NLRP1: variants seen among roughly 807,000 people sequenced by gnomAD.
NLRP1 encodes the protein NACHT, LRR and PYD domains-containing protein 1.
In NLRP1, 94 loss-of-function variants were observed where a neutral mutation model predicts 136.7. That is an observed-to-expected ratio of 0.69 (90% CI 0.58 to 0.82). The LOEUF is 0.82. Ranked by LOEUF, NLRP1 falls within the 40% of genes least tolerant of loss-of-function variation. The pLI is 0.00. For missense variants in NLRP1, 1,575 were observed against 1,802.7 expected, an observed-to-expected ratio of 0.87 and a Z score of 2.29; for synonymous variants, 690 against 725.1, an observed-to-expected ratio of 0.95 and a Z score of 0.78.
At chr17:5,547,957 C>T (rs1912886759) in intron 5 of NLRP1, among the ~76,000 whole-genome samples, 1 of 152,172 alleles carries the variant, frequency 6.6e-6, no homozygotes, top group African/African-American at 2.4e-5. Flanking sequence ...CATGATCCTT[C>T]ATTGGCAGTA....
At chr17:5,540,469 A>G (rs541128416) in intron 6 of NLRP1, among the ~76,000 whole-genome samples, 1 of 152,222 alleles carries the variant, frequency 6.6e-6, no homozygotes, top group East Asian at 1.9e-4. Context: ...GGGTCTGCTC[A>G]GACCCAGCTG....
chr17:5,510,484 C>G (rs961451308), downstream of NLRP1, among the ~76,000 whole-genome samples: 2 of 151,970 alleles, frequency 1.3e-5, no homozygotes, highest in African/African-American at 2.4e-5. Context: ...CTCAGCCTCC[C>G]GAGTAGCTGG....
At chr17:5,553,153 A>C (rs1360711879) in intron 5 of NLRP1, among the ~76,000 whole-genome samples, 1 of 152,012 alleles carries the variant, frequency 6.6e-6, no homozygotes, top group Non-Finnish European at 1.5e-5. Context: ...TGCTTTGCTT[A>C]GTTAAATCCT....
intron 3 of NLRP1, among the ~76,000 whole-genome samples, chr17:5,573,618 C>G (rs1003248883): frequency 6.6e-6 from 1 of 152,218 alleles, no homozygotes; most frequent in South Asian, 2.1e-4. Flanking sequence ...TGAGACGAAG[C>G]TTCCAGAGGA....
intron 3 of NLRP1, among the ~76,000 whole-genome samples, chr17:5,578,320 G>A (rs1174548883): frequency 6.6e-6 from 1 of 152,124 alleles, no homozygotes; most frequent in Non-Finnish European, 1.5e-5. Context: ...AGAGTGAACA[G>A]GCAACCTACA....
chr17:5,539,454 TCA>T lies in NLRP1; in HGVS notation c.2829_2830del (p.Cys943Ter). The T allele has an allele frequency of 6.2e-7, 1 of 1,613,978 alleles. No individual in the cohort carries two copies. Among genetic ancestry groups the T allele is most frequent in the Non-Finnish European group, 8.5e-7 (1 of 1,179,970 alleles). On this transcript the variant is annotated stop_gained and frameshift_variant, in exon 7 of 17. Transcript: ENST00000572272. LOFTEE classifies it high-confidence loss of function. ...TTTGCAGGCAGGATGCCTGAGCCCC[TCA>T]CAGAGCAGTCGCACGCCAACGTCAT...
chr17:5,511,072 G>A (rs907086283), downstream of NLRP1, among the ~76,000 whole-genome samples: 1 of 152,068 alleles, frequency 6.6e-6, no homozygotes, highest in Non-Finnish European at 1.5e-5. Context: ...CTAATGGGTG[G>A]TAGAGCCAAG....
At chr17:5,511,778 T>C (rs544233055), downstream of NLRP1, among the ~76,000 whole-genome samples, 112 of 149,700 alleles carry the variant, frequency 7.5e-4, no homozygotes, top group African/African-American at 2.5e-3. Context: ...TTTCTCTTTC[T>C]TCTTTCTTTC....
intron 5 of NLRP1, among the ~76,000 whole-genome samples, chr17:5,545,413 CAT>C (rs1361455821): frequency 2.7e-5 from 4 of 150,272 alleles, no homozygotes; most frequent in Admixed American, 6.6e-5. Context: ...TACACACACA[CAT>C]ACACAGACAT....
intron 12 of NLRP1, among the ~76,000 whole-genome samples, chr17:5,529,689 A>G (rs976868000): frequency 2.0e-5 from 3 of 150,412 alleles, no homozygotes; most frequent in African/African-American, 7.3e-5. Context: ...TTTTTTAGTC[A>G]ATTTAGTTTC....
rs758894169 is a variant in NLRP1 at position 5,530,554 on chromosome 17, C to A, written c.3447G>T (p.Gly1149=). The change falls in exon 12 of 17, where the codon GGG becomes GGT. Residue 1149 remains glycine (G), a synonymous_variant. Transcript: ENST00000572272. ...INPQHSWMVA[G]PLLDIKAEPG... is the part of the protein sequence containing the mutation. ...GCTCAGCCTTGATGTCCAGCAGAGG[C>A]CCTGCCACCATCCAGCTGTGCTGTG... The A allele has an allele frequency of 8.1e-6, 13 of 1,614,100 alleles. No homozygotes were observed. The South Asian group carries it at 1.2e-4, about 15-fold the overall frequency.
Position 5,514,461 on chromosome 17 carries a change from A to G in NLRP1, c.*293T>C. 3 of 1,256,970 alleles carry G rather than the reference A, an allele frequency of 2.4e-6. No homozygotes were observed. Among genetic ancestry groups the G allele is most frequent in the South Asian group, 3.7e-5 (2 of 53,900 alleles). 77.9% of individuals were successfully genotyped at this position (1,256,970 alleles called of 1,614,324 possible). On this transcript the variant is annotated 3_prime_UTR_variant, in exon 17 of 17. Coordinates refer to ENST00000572272, the MANE Select transcript of NLRP1 (RefSeq NM_033004.4). ...CTCTTTGCGCCTGGATGGGATCCGGAGGGCTCTAGGCTTGGCTGCTGTGGC... is the reference window on the plus strand; with the variant it reads ...CTCTTTGCGCCTGGATGGGATCCGGGGGGCTCTAGGCTTGGCTGCTGTGGC...
chr17:5,558,198 C>T (rs989597878), intron 4 of NLRP1, 141 bp downstream of exon 4: 16 of 794,314 alleles, frequency 2.0e-5, no homozygotes, highest in Middle Eastern at 3.8e-4. Context: ...TCAGATTGGG[C>T]AGTTAGAAGT....
Position 5,520,988 on chromosome 17 carries a change from A to C in NLRP1, c.3808T>G (p.Phe1270Val). The C allele has an allele frequency of 6.2e-7, 1 of 1,611,398 alleles. No individual in the cohort carries two copies. Among genetic ancestry groups the C allele is most frequent in the Non-Finnish European group, 8.5e-7 (1 of 1,178,650 alleles). ...RKAIDDLEMK[F>V]QFVRIHKPPP... ...GGCTTGTGGATTCGCACAAACTGGA[A>C]TTTCATTTCTAGATCATCTATGGCC... The change falls in exon 14 of 17, where the codon TTC (phenylalanine) becomes GTC (valine). Residue 1270 changes from phenylalanine (F) to valine (V), a missense_variant. Coordinates refer to ENST00000572272, the MANE Select transcript of NLRP1 (RefSeq NM_033004.4).
In NLRP1 at chr17:5,536,928, T is replaced by C. The variant is rs11657249; in HGVS notation, c.2883A>G (p.Thr961=). ...CKLIRLGLDQ[T]TLSDEMRQEL... is the part of the protein sequence containing the mutation. ...CCTGCCTCATCTCATCACTCAGAGT[T>C]GTCTGGTCCAGCCTGAAAGCACAAA... Residue 961 remains threonine, a synonymous_variant, in exon 8 of 17, where the codon ACA becomes ACG. Transcript: ENST00000572272. 67,039 of 1,601,024 alleles carry C rather than the reference T, an allele frequency of 0.042. 1,809 individuals carry two copies. The highest frequency in any genetic ancestry group is 0.075 in the Middle Eastern group (453 of 6,016).
In NLRP1 at chr17:5,558,518, C is replaced by T; in HGVS notation, c.2178G>A (p.Arg726=). 1 of 1,613,962 alleles carries T rather than the reference C, an allele frequency of 6.2e-7. No homozygotes were observed. The highest frequency in any genetic ancestry group is 8.5e-7 in the Non-Finnish European group (1 of 1,179,986). The change falls in exon 4 of 17, where the codon CGG becomes CGA. Residue 726 remains arginine, a synonymous_variant. Coordinates refer to ENST00000572272, the MANE Select transcript of NLRP1 (RefSeq NM_033004.4). ...LESLHCLYET[R]NKTFLTQVMA... is the part of the protein sequence containing the mutation. Reference sequence around the variant, plus strand: ...TCACTTGTGTCAGGAACGTTTTGTTCCGAGTCTCGTACAAGCAGTGGAGGG... The same window carrying T: ...TCACTTGTGTCAGGAACGTTTTGTTTCGAGTCTCGTACAAGCAGTGGAGGG...
At chr17:5,573,468 G>C (rs1207899438) in intron 3 of NLRP1, among the ~76,000 whole-genome samples, 2 of 152,202 alleles carry the variant, frequency 1.3e-5, no homozygotes, top group Non-Finnish European at 2.9e-5. Flanking sequence ...GAAGAGAGCA[G>C]CGGTTCTCCC....
Position 5,514,734 on chromosome 17 carries a change from C to G in NLRP1, c.*20G>C, listed in dbSNP as rs369347873. 8.1e-6 allele frequency: 13 copies of G among 1,612,178 alleles called. No homozygotes were observed. In the South Asian group the frequency reaches 8.8e-5, roughly 11 times the overall value. ...TCAGCCAAAGCCAGGACTCAAGGGTCAAGGGCTGGTGTTGATACTTCAGCT... is the reference window on the plus strand; with the variant it reads ...TCAGCCAAAGCCAGGACTCAAGGGTGAAGGGCTGGTGTTGATACTTCAGCT... On this transcript the variant is annotated 3_prime_UTR_variant, in exon 17 of 17. Transcript: ENST00000572272.
At position 5,582,691 on chromosome 17, in the gene NLRP1, T is replaced by G. The variant is rs1283551358; in HGVS notation, c.427A>C (p.Thr143Pro). 3 of 1,614,124 alleles carry G rather than the reference T, an allele frequency of 1.9e-6. No homozygotes were observed. The Admixed American group carries it at 5.0e-5, about 27-fold the overall frequency. ...ERRVLRQLPD[T>P]SGRRWREISA... ...TCACCTCTCCAGCGGCGTCCAGATG[T>G]GTCAGGCAGCTGTCTCAAAACCCTT... The change falls in exon 2 of 17, where the codon ACA becomes CCA. Residue 143 changes from threonine to proline, a missense_variant. Physicochemically the swap from Thr to Pro is conservative, Grantham distance 38 (BLOSUM62 -1). Transcript: ENST00000572272.
Sources: allele counts gnomAD v4.1 joint callset (sites outside exome capture counted in the v4.1 genomes callset), GRCh38; gene constraint gnomAD v4.1.1; transcripts MANE v1.5; gene names NCBI Gene and HGNC (gene_info 2026-07-23, HGNC 2026-07-21).